CLIP2: variants seen among roughly 807,000 people sequenced by gnomAD.
CLIP2 encodes the protein CAP-Gly domain-containing linker protein 2.
A neutral mutation model predicts 111.7 loss-of-function variants in CLIP2; 41 were observed. The ratio of observed to expected loss-of-function variants is 0.37; its 90% CI spans 0.29 to 0.48. The LOEUF is 0.48. Among genes scored for constraint, CLIP2 ranks in the 20% least tolerant of loss-of-function variants. CLIP2 has a pLI of 0.99. For missense variants in CLIP2, 1,160 were observed against 1,422.1 expected (o/e 0.82, Z 2.96); for synonymous variants, 660 against 644.2 (o/e 1.02, Z -0.37).
intron 13 of CLIP2, among the ~76,000 whole-genome samples, chr7:74,395,233 C>T (rs1218131407): frequency 6.6e-6 from 1 of 151,866 alleles, no homozygotes; most frequent in Non-Finnish European, 1.5e-5. Flanking sequence ...AATCTTGGCT[C>T]ACCGCAACCT....
At chr7:74,356,086 T>C (rs1210816870) in intron 4 of CLIP2, among the ~76,000 whole-genome samples, 2 of 152,198 alleles carry the variant, frequency 1.3e-5, no homozygotes, top group African/African-American at 4.8e-5. Flanking sequence ...TTTGTGAATG[T>C]AGATAACTTT....
Position 74,338,981 on chromosome 7 carries a change from C to T in CLIP2, c.655C>T (p.Leu219=), listed in dbSNP as rs1183239723. The part of the protein sequence containing the change: ...SGSVKRGEKD[L]RLGDRVLVGG... ...CTCTGTGAAGCGGGGCGAAAAGGACCTGCGCCTGGGGGACCGCGTGCTGGT... is the reference window on the plus strand; with the variant it reads ...CTCTGTGAAGCGGGGCGAAAAGGACTTGCGCCTGGGGGACCGCGTGCTGGT... The change falls in exon 3 of 17, where the codon CTG becomes TTG. Residue 219 remains leucine (L), a synonymous_variant. Transcript: ENST00000223398. This position sits in a 1 kb window ranked among gnomAD's most constrained non-coding sequence, Gnocchi z 4.3. 1 of 1,598,450 alleles carries T rather than the reference C, an allele frequency of 6.3e-7. No individual in the cohort carries two copies. Among genetic ancestry groups the T allele is most frequent in the Non-Finnish European group, 8.5e-7 (1 of 1,179,608 alleles).
chr7:74,376,116 A>G lies in CLIP2; in HGVS notation c.1715A>G (p.Lys572Arg). The G allele has an allele frequency of 6.2e-7, 1 of 1,610,172 alleles. No individual in the cohort carries two copies. The highest frequency in any genetic ancestry group is 8.5e-7 in the Non-Finnish European group (1 of 1,178,142). ...VLRDKYEKAL[K>R]AYQAEVDKLR... Reference sequence around the variant, plus strand: ...CGGGATAAATACGAGAAGGCCCTGAAGGCCTACCAGGCGGAGGTGGACAAG... The same window carrying G: ...CGGGATAAATACGAGAAGGCCCTGAGGGCCTACCAGGCGGAGGTGGACAAG... The change falls in exon 10 of 17, where the codon AAG (lysine) becomes AGG (arginine). Residue 572 changes from lysine (K) to arginine (R), a missense_variant. Transcript: ENST00000223398. This position sits in a 1 kb window ranked among gnomAD's most constrained non-coding sequence, Gnocchi z 7.1.
intron 3 of CLIP2, among the ~76,000 whole-genome samples, chr7:74,346,640 T>C (rs782329662): frequency 1.3e-5 from 2 of 150,482 alleles, no homozygotes; most frequent in South Asian, 4.2e-4. Flanking sequence ...GGACAGTCAC[T>C]TGAACCTGGG....
In CLIP2 at chr7:74,362,919, C is replaced by T. The variant is rs185551096; in HGVS notation, c.1320-1336C>T. Among the ~76,000 whole-genome samples, 68 of 152,016 alleles carry T rather than the reference C, an allele frequency of 4.5e-4. No homozygotes were observed. In the East Asian group the frequency reaches 9.7e-3, roughly 22 times the overall value. ...TGTCCTGTGCTTGCTGTGTGGCCTT[C>T]GGCAGGTCGCCTGCCCTCTCTGGGC... On this transcript the variant is annotated intron_variant, in intron 7 of 16. Coordinates refer to ENST00000223398, the MANE Select transcript of CLIP2 (RefSeq NM_003388.5).
chr7:74,376,506 A>G lies in CLIP2; in HGVS notation c.2105A>G (p.His702Arg). 2 of 1,606,844 alleles carry G rather than the reference A, an allele frequency of 1.2e-6. No homozygotes were observed. Among genetic ancestry groups the G allele is most frequent in the Non-Finnish European group, 1.7e-6 (2 of 1,177,614 alleles). Residue 702 changes from histidine (H) to arginine (R), a missense_variant, in exon 10 of 17, where the codon CAC becomes CGC. His to Arg is a conservative substitution (Grantham distance 29, BLOSUM62 0). Transcript: ENST00000223398. This position sits in a 1 kb window ranked among gnomAD's most constrained non-coding sequence, Gnocchi z 7.1. ...GAGGAGCTGGCTGGGCTGCAGCGGCACTGGCGGGCCCAGCTGGAGGTGCAA... is the reference window on the plus strand; with the variant it reads ...GAGGAGCTGGCTGGGCTGCAGCGGCGCTGGCGGGCCCAGCTGGAGGTGCAA... The part of the protein sequence containing the change: ...AQEELAGLQR[H>R]WRAQLEVQAS...
At chr7:74,373,177 T>G in intron 9 of CLIP2, 141 bp downstream of exon 9, 1 of 607,064 alleles carries the variant, frequency 1.6e-6, no homozygotes, top group South Asian at 2.0e-5. Flanking sequence ...TTGCATCCCC[T>G]TGGAGGAGGG....
chr7:74,342,638 G>A (rs1231876473), intron 3 of CLIP2, among the ~76,000 whole-genome samples: 3 of 152,106 alleles, frequency 2.0e-5, no homozygotes, highest in Non-Finnish European at 2.9e-5. Context: ...CAGGGGCCGT[G>A]TGCGGTGGCT....
At chr7:74,372,906 C>G (rs1289331807) in intron 8 of CLIP2, 26 bp from the exon 9 acceptor site, 9 of 1,248,040 alleles carry the variant, frequency 7.2e-6, no homozygotes, top group Non-Finnish European at 9.1e-6. Context: ...CCCACCCCCC[C>G]ACCGTGTCCA....
intron 13 of CLIP2, among the ~76,000 whole-genome samples, chr7:74,394,193 C>T (rs1169956992): frequency 2.0e-5 from 3 of 151,810 alleles, no homozygotes; most frequent in East Asian, 1.9e-4. Context: ...CATCCTTCAG[C>T]TCTCATCAGT....
intron 3 of CLIP2, among the ~76,000 whole-genome samples, chr7:74,353,001 C>A (rs1476842904): frequency 6.6e-6 from 1 of 150,990 alleles, no homozygotes; most frequent in African/African-American, 2.4e-5. Flanking sequence ...TTTTTAAAAA[C>A]TTAGCTGGGT....
At chr7:74,317,223 C>G (rs900461315) in intron 1 of CLIP2, among the ~76,000 whole-genome samples, 21 of 152,220 alleles carry the variant, frequency 1.4e-4, no homozygotes, top group Non-Finnish European at 2.5e-4. Flanking sequence ...TAACTGCACA[C>G]CAGGATATAA....
intron 7 of CLIP2, among the ~76,000 whole-genome samples, chr7:74,360,682 C>G (rs1790302466): frequency 6.6e-6 from 1 of 152,106 alleles, no homozygotes; most frequent in Non-Finnish European, 1.5e-5. Flanking sequence ...TCCTGGGTAG[C>G]TGGGACCACA....
chr7:74,384,204 A>G (rs1791019128), intron 11 of CLIP2, among the ~76,000 whole-genome samples: 1 of 151,962 alleles, frequency 6.6e-6, no homozygotes, highest in African/African-American at 2.4e-5. Context: ...AACAACAACG[A>G]CAACAAAACA....
At chr7:74,357,227 C>A in intron 5 of CLIP2, 53 bp from the exon 6 acceptor site, 1 of 1,526,174 alleles carries the variant, frequency 6.6e-7, no homozygotes, top group Non-Finnish European at 9.1e-7. Context: ...AGCCAGTCTG[C>A]CCTGCAGTGC....
intron 1 of CLIP2, among the ~76,000 whole-genome samples, chr7:74,310,099 G>A (rs1451066852): frequency 4.8e-5 from 7 of 145,176 alleles, no homozygotes; most frequent in African/African-American, 1.1e-4. Context: ...GCGTGATGGC[G>A]CATGCCTGTA....
chr7:74,322,584 AACAG>A (rs1788992372), intron 2 of CLIP2, among the ~76,000 whole-genome samples: 1 of 151,998 alleles, frequency 6.6e-6, no homozygotes. Flanking sequence ...TCAAAAAACA[AACAG>A]ACAGGAGACA....
At chr7:74,337,742 C>T (rs1789517204) in intron 2 of CLIP2, among the ~76,000 whole-genome samples, 1 of 152,018 alleles carries the variant, frequency 6.6e-6, no homozygotes, top group South Asian at 2.1e-4. Context: ...ATTACAGGCA[C>T]CTGCCACCAC....
At chr7:74,314,179 C>CAAAAAA (rs35306275) in intron 1 of CLIP2, among the ~76,000 whole-genome samples, 2 of 123,134 alleles carry the variant, frequency 1.6e-5, no homozygotes. Flanking sequence ...GACTCTGTCT[C>CAAAAAA]AAAAAAAAAA....
Sources: gnomAD v4.1 joint callset for allele counts (sites outside exome capture counted in the v4.1 genomes callset) on GRCh38, gnomAD v4.1.1 for gene constraint, Gnocchi (gnomAD v3.1) non-coding constraint, MANE v1.5 for transcripts, NCBI Gene and HGNC (gene_info 2026-07-23, HGNC 2026-07-21) for gene names.